GOLM2: variants seen among roughly 807,000 people sequenced by gnomAD.
GOLM2 encodes protein GOLM2.
GOLM2 carries 26 observed loss-of-function variants against 55.9 expected under a neutral mutation model. That is an observed-to-expected ratio of 0.47 (90% CI 0.34 to 0.65). GOLM2 has a LOEUF of 0.65. Among genes scored for constraint, GOLM2 ranks in the 30% least tolerant of loss-of-function variants. The pLI is 0.01. For missense variants in GOLM2, 486 were observed against 531.8 expected (o/e 0.91, Z 0.85); for synonymous variants, 165 against 194.6 (o/e 0.85, Z 1.27).
intron 8 of GOLM2, among the ~76,000 whole-genome samples, chr15:44,402,417 C>A (rs1377756506): frequency 2.0e-5 from 3 of 150,946 alleles, no homozygotes; most frequent in Non-Finnish European, 4.4e-5. Context: ...GTCTCAAACT[C>A]TTGAGCTCAA....
chr15:44,336,376 C>T (rs1464543149), intron 4 of GOLM2, among the ~76,000 whole-genome samples: 1 of 151,720 alleles, frequency 6.6e-6, no homozygotes. Flanking sequence ...CTCGGCCTCC[C>T]GAAGTGCTGG....
intron 6 of GOLM2, among the ~76,000 whole-genome samples, chr15:44,341,069 A>G (rs928716734): frequency 4.0e-5 from 6 of 149,172 alleles, no homozygotes; most frequent in African/African-American, 1.5e-4. Flanking sequence ...TTATTTCCAC[A>G]TACTTTTCTC....
chr15:44,378,422 A>T, intron 6 of GOLM2, among the ~76,000 whole-genome samples: 1 of 142,286 alleles, frequency 7.0e-6, no homozygotes. Flanking sequence ...CAGTGGCCTG[A>T]TCTCAGCTCA....
intron 8 of GOLM2, chr15:44,402,647 TTTAAGTGGC>T: frequency 2.7e-6 from 1 of 368,366 alleles, no homozygotes; most frequent in Non-Finnish European, 4.9e-6. Flanking sequence ...TCATTCAAAT[TTTAAGTGGC>T]AAGCACTAAA....
chr15:44,310,472 A>C (rs559125972), intron 1 of GOLM2, among the ~76,000 whole-genome samples: 92 of 119,660 alleles, frequency 7.7e-4, no homozygotes, highest in African/African-American at 3.0e-3. Context: ...ATATATATGT[A>C]TATATATATA....
intron 1 of GOLM2, among the ~76,000 whole-genome samples, chr15:44,293,318 A>C (rs2078734240): frequency 6.6e-6 from 1 of 152,216 alleles, no homozygotes; most frequent in Non-Finnish European, 1.5e-5. Context: ...ACATCTTAAC[A>C]TAAGTATGAT....
At chr15:44,383,835 C>T (rs2079421800) in intron 8 of GOLM2, among the ~76,000 whole-genome samples, 1 of 151,866 alleles carries the variant, frequency 6.6e-6, no homozygotes, top group Admixed American at 6.6e-5. Flanking sequence ...TGCCATCACA[C>T]CTGGCTAATT....
chr15:44,310,454 C>CTCTATATATATATATGTATATATA (rs1187338800), intron 1 of GOLM2, among the ~76,000 whole-genome samples: 24 of 142,604 alleles, frequency 1.7e-4, no homozygotes, highest in Non-Finnish European at 3.2e-4. Context: ...CTCTCTCTCT[C>CTCTATATATATATATGTATATATA]TATATATATA....
intron 8 of GOLM2, among the ~76,000 whole-genome samples, chr15:44,401,287 C>T (rs953854052): frequency 1.1e-4 from 16 of 150,894 alleles, no homozygotes; most frequent in Admixed American, 1.3e-4. Context: ...TTTTAAGAGA[C>T]GAGGTCTCAC....
At position 44,414,431 on chromosome 15, in the gene GOLM2, T is replaced by C. The variant is rs2141224844; in HGVS notation, c.*1025T>C. 1 of 152,354 alleles carries C rather than the reference T, an allele frequency of 6.6e-6. No homozygotes were observed. The highest frequency in any genetic ancestry group is 1.5e-5 in the Non-Finnish European group (1 of 68,036). 9.4% of individuals were successfully genotyped at this position (152,354 alleles called of 1,614,324 possible). A position where few individuals can be genotyped will look rare whatever the true frequency, so the allele number is the denominator to read the frequency against. Reference sequence around the variant, plus strand: ...AAATTGTGGAATGCATGATTGACAATATATTTTTAATTTTTATTTTTTCAA... The same window carrying C: ...AAATTGTGGAATGCATGATTGACAACATATTTTTAATTTTTATTTTTTCAA... On this transcript the variant is annotated 3_prime_UTR_variant, in exon 10 of 10. Coordinates refer to ENST00000299957, the MANE Select transcript of GOLM2 (RefSeq NM_138423.4).
intron 8 of GOLM2, among the ~76,000 whole-genome samples, chr15:44,385,329 T>A (rs1214578039): frequency 2.4e-5 from 2 of 83,436 alleles, no homozygotes; most frequent in Admixed American, 2.6e-4. Context: ...CCACATCCCC[T>A]CCCTCCCTCC....
At chr15:44,299,257 C>T (rs2078779841) in intron 1 of GOLM2, among the ~76,000 whole-genome samples, 1 of 151,924 alleles carries the variant, frequency 6.6e-6, no homozygotes, top group Non-Finnish European at 1.5e-5. Flanking sequence ...CAAATGCATA[C>T]TTAAAAGTTA....
At chr15:44,350,329 A>G (rs914492073) in intron 6 of GOLM2, among the ~76,000 whole-genome samples, 4 of 152,208 alleles carry the variant, frequency 2.6e-5, no homozygotes, top group African/African-American at 9.6e-5. Context: ...GGATCACTAG[A>G]GGGTACTATG....
chr15:44,383,853 T>A (rs1306500916), intron 8 of GOLM2, among the ~76,000 whole-genome samples: 1 of 151,922 alleles, frequency 6.6e-6, no homozygotes, highest in African/African-American at 2.4e-5. Context: ...ATTTTTAAAA[T>A]TTTTAAACAA....
chr15:44,297,521 C>G (rs2078764469), intron 1 of GOLM2, among the ~76,000 whole-genome samples: 1 of 150,564 alleles, frequency 6.6e-6, no homozygotes, highest in Non-Finnish European at 1.5e-5. Context: ...CTCTTAGTTT[C>G]TTGCCTCTTT....
At chr15:44,349,517 A>G (rs1394500072) in intron 6 of GOLM2, among the ~76,000 whole-genome samples, 1 of 152,218 alleles carries the variant, frequency 6.6e-6, no homozygotes, top group Non-Finnish European at 1.5e-5. Context: ...CTAAAGAGAA[A>G]GATAAATTTC....
chr15:44,292,184 C>CAT (rs959343338), intron 1 of GOLM2, among the ~76,000 whole-genome samples: 3,567 of 144,606 alleles, frequency 0.025, 81 homozygotes, highest in East Asian at 0.095. Flanking sequence ...TGTATACATA[C>CAT]ATATATATAT....
chr15:44,295,830 C>T (rs2141105412), intron 1 of GOLM2, among the ~76,000 whole-genome samples: 1 of 152,112 alleles, frequency 6.6e-6, no homozygotes, highest in African/African-American at 2.4e-5. Flanking sequence ...AATACAGTTA[C>T]ATTCTGAGAT....
chr15:44,413,123 A>G (rs1420428234), intron 9 of GOLM2, among the ~76,000 whole-genome samples: 8 of 151,994 alleles, frequency 5.3e-5, no homozygotes, highest in African/African-American at 1.2e-4. Context: ...ATCTATGTCT[A>G]TTTTCTAAAG....
Sources: gnomAD v4.1 joint callset for allele counts (sites outside exome capture counted in the v4.1 genomes callset) on GRCh38, gnomAD v4.1.1 for gene constraint, MANE v1.5 for transcripts, NCBI Gene and HGNC (gene_info 2026-07-23, HGNC 2026-07-21) for gene names.